PRR5L: variants seen among roughly 807,000 people sequenced by gnomAD.
PRR5L encodes proline-rich protein 5-like.
A neutral mutation model predicts 36.4 loss-of-function variants in PRR5L; 21 were observed. The ratio of observed to expected loss-of-function variants is 0.58; its 90% CI spans 0.41 to 0.83. The LOEUF is 0.83. Ranked by LOEUF, PRR5L falls within the 40% of genes least tolerant of loss-of-function variation. The probability of loss-of-function intolerance (pLI) is 0.00; values close to 1 mark genes in which losing one functional copy is unlikely to be tolerated. For missense variants in PRR5L, 381 were observed against 473.3 expected (o/e 0.80, Z 1.81); for synonymous variants, 188 against 197.0 (o/e 0.95, Z 0.38).
At chr11:36,351,388 A>AAT (rs1565407692) in intron 1 of PRR5L, among the ~76,000 whole-genome samples, 2 of 82,176 alleles carry the variant, frequency 2.4e-5, no homozygotes, top group East Asian at 7.6e-4. Context: ...ATATCAAATA[A>AAT]ATATATATAT....
At chr11:36,397,171 G>A (rs546256113) in intron 1 of PRR5L, among the ~76,000 whole-genome samples, 5 of 150,866 alleles carry the variant, frequency 3.3e-5, no homozygotes, top group South Asian at 2.1e-4. Flanking sequence ...GGGTTCAAGC[G>A]ATTCTCCTGT....
intron 1 of PRR5L, among the ~76,000 whole-genome samples, chr11:36,317,391 T>A (rs1228361393): frequency 1.3e-5 from 2 of 152,216 alleles, no homozygotes; most frequent in Non-Finnish European, 2.9e-5. Context: ...ATTGTGAGGA[T>A]CAAATGAACT....
chr11:36,382,097 G>A (rs1403471083), intron 1 of PRR5L, among the ~76,000 whole-genome samples: 1 of 152,192 alleles, frequency 6.6e-6, no homozygotes. Context: ...GGCAGAGGCT[G>A]CAGTGAGCGG....
At chr11:36,409,578 GAGGGGGACCCACAGT>G (rs1857982469) in intron 3 of PRR5L, among the ~76,000 whole-genome samples, 1 of 152,200 alleles carries the variant, frequency 6.6e-6, no homozygotes, top group African/African-American at 2.4e-5. Flanking sequence ...GACTGTAAGA[GAGGGGGACCCACAGT>G]AGGGGGGAAG....
intron 4 of PRR5L, among the ~76,000 whole-genome samples, chr11:36,421,220 A>G (rs1471776376): frequency 6.6e-6 from 1 of 151,890 alleles, no homozygotes; most frequent in African/African-American, 2.4e-5. Flanking sequence ...GGTTTCAATC[A>G]GGTTTTAAAT....
intron 5 of PRR5L, among the ~76,000 whole-genome samples, chr11:36,436,461 A>AC (rs1290171394): frequency 6.6e-6 from 1 of 152,218 alleles, no homozygotes; most frequent in Admixed American, 6.5e-5. Context: ...TAGCAGGGAC[A>AC]CTTGGCCATA....
intron 3 of PRR5L, among the ~76,000 whole-genome samples, chr11:36,416,581 C>T (rs1001565521): frequency 2.0e-5 from 3 of 152,202 alleles, no homozygotes; most frequent in South Asian, 4.1e-4. Context: ...CATCTCATCC[C>T]CCCTGTTACA....
At position 36,306,478 on chromosome 11, in the gene PRR5L, C is replaced by T. The variant is rs576852071; in HGVS notation, c.-126+10040C>T. Among the ~76,000 whole-genome samples, 13 of 152,126 alleles carry T rather than the reference C, an allele frequency of 8.5e-5. No homozygotes were observed. In the South Asian group the frequency reaches 2.7e-3, roughly 32 times the overall value. ...ATATGCCACATTTTCTTAATCCAGT[C>T]TGTCATTGATGGACATTTGGGTTGG... On this transcript the variant is annotated intron_variant, in intron 1 of 8. Transcript: ENST00000530639.
At position 36,351,781 on chromosome 11, in the gene PRR5L, A is replaced by G. The variant is rs1487009008; in HGVS notation, c.-125-49216A>G. 2.0e-4 allele frequency among the ~76,000 whole-genome samples: 5 copies of G among 25,538 alleles called. 1 individual carries two copies. In the East Asian group the frequency reaches 0.016, roughly 83 times the overall value. The allele number at this position is 25,538 out of a possible 152,430, so 16.8% of individuals were successfully genotyped here. On this transcript the variant is annotated intron_variant, in intron 1 of 8. Transcript: ENST00000530639. The stretch of plus-strand genomic sequence containing the variant: ...TATTTATATATTTATATATATTTAT[A>G]TATTTTTTTTATATATACCACAATT...
chr11:36,351,585 ATT>A (rs1185915889), intron 1 of PRR5L, among the ~76,000 whole-genome samples: 5 of 18,882 alleles, frequency 2.6e-4, no homozygotes, highest in African/African-American at 1.2e-3. Context: ...ATAAATATAT[ATT>A]TATATATTTA....
chr11:36,364,075 G>A (rs899135479), intron 1 of PRR5L, among the ~76,000 whole-genome samples: 1 of 152,132 alleles, frequency 6.6e-6, no homozygotes, highest in African/African-American at 2.4e-5. Context: ...GTCCAGGTGT[G>A]AATTTCAGCT....
At chr11:36,333,401 G>A (rs1856738479) in intron 1 of PRR5L, among the ~76,000 whole-genome samples, 1 of 152,094 alleles carries the variant, frequency 6.6e-6, no homozygotes, top group Non-Finnish European at 1.5e-5. Context: ...GAGAAATGAA[G>A]CATACATCTA....
chr11:36,429,274 T>TA (rs1383707979), intron 4 of PRR5L, among the ~76,000 whole-genome samples: 12 of 152,164 alleles, frequency 7.9e-5, no homozygotes, highest in African/African-American at 2.7e-4. Context: ...TTCTTAAAAA[T>TA]AAAAAATCTT....
intron 4 of PRR5L, among the ~76,000 whole-genome samples, chr11:36,421,120 C>T (rs1007862115): frequency 1.3e-5 from 2 of 152,192 alleles, no homozygotes; most frequent in African/African-American, 4.8e-5. Flanking sequence ...AAGCTAACTA[C>T]AGAGAAGTGG....
intron 8 of PRR5L, among the ~76,000 whole-genome samples, chr11:36,462,108 C>T (rs775617852): frequency 5.9e-5 from 9 of 152,170 alleles, no homozygotes; most frequent in Admixed American, 3.3e-4. Context: ...CTGTTGGTGA[C>T]CACCTAATAT....
chr11:36,458,903 G>A (rs1197334691), intron 8 of PRR5L, among the ~76,000 whole-genome samples: 1 of 152,212 alleles, frequency 6.6e-6, no homozygotes, highest in Non-Finnish European at 1.5e-5. Context: ...CTGGCAGAGG[G>A]AACACCTTTC....
At chr11:36,456,241 C>T (rs1442655635) in intron 8 of PRR5L, among the ~76,000 whole-genome samples, 1 of 152,230 alleles carries the variant, frequency 6.6e-6, no homozygotes, top group Non-Finnish European at 1.5e-5. Context: ...GCCTGGCGTC[C>T]GTGGAATCAC....
chr11:36,442,304 C>T (rs1442542073), intron 6 of PRR5L, among the ~76,000 whole-genome samples: 1 of 151,756 alleles, frequency 6.6e-6, no homozygotes, highest in East Asian at 1.9e-4. Flanking sequence ...TTAGGCTGTT[C>T]GAAGCAGCCA....
At chr11:36,313,511 G>T (rs1856524935) in intron 1 of PRR5L, among the ~76,000 whole-genome samples, 1 of 152,212 alleles carries the variant, frequency 6.6e-6, no homozygotes, top group Non-Finnish European at 1.5e-5. Flanking sequence ...TTGTTGGGTA[G>T]CCAAATGCTG....
Sources: gnomAD v4.1 joint callset for allele counts (sites outside exome capture counted in the v4.1 genomes callset) on GRCh38, gnomAD v4.1.1 for gene constraint, MANE v1.5 for transcripts, NCBI Gene and HGNC (gene_info 2026-07-23, HGNC 2026-07-21) for gene names.